ARHGEF38: variants seen among roughly 807,000 people sequenced by gnomAD.
The protein encoded by ARHGEF38 is Rho guanine nucleotide exchange factor (GEF) 38.
In ARHGEF38, 79 loss-of-function variants were observed where a neutral mutation model predicts 79.9. That is an observed-to-expected ratio of 0.99 (90% confidence interval 0.82 to 1.19). ARHGEF38 has a LOEUF of 1.19. ARHGEF38 is among the 50% of genes most tolerant of loss of function. The pLI is 0.00. For synonymous variants in ARHGEF38, 366 were observed against 328.3 expected (o/e 1.11, Z -1.24); for missense variants, 962 against 907.2 (o/e 1.06, Z -0.78).
At chr4:105,590,158 G>A (rs190111288) in intron 2 of ARHGEF38, among the ~76,000 whole-genome samples, 8 of 144,418 alleles carry the variant, frequency 5.5e-5, no homozygotes, top group African/African-American at 2.0e-4. Flanking sequence ...GAAAGAAAGA[G>A]AGAGAGAGAG....
At position 105,666,074 on chromosome 4, in the gene ARHGEF38, CTACCATA is replaced by C; in HGVS notation, c.1546-98_1546-92del. The C allele has an allele frequency of 3.1e-6, 3 of 964,558 alleles. No individual in the cohort carries two copies. The South Asian group carries it at 1.3e-4, about 42-fold the overall frequency. The allele number at this position is 964,558 out of a possible 1,614,324, so 59.7% of individuals were successfully genotyped here. ...GTTGCCCTAACTTTTCACAATGGAGCTACCATATACCTCCTCAACTGTTCATCACAAC... is the reference window on the plus strand; with the variant it reads ...GTTGCCCTAACTTTTCACAATGGAGCTACCTCCTCAACTGTTCATCACAAC... On this transcript the variant is annotated intron_variant, in intron 10 of 13. Transcript: ENST00000420470.
intron 2 of ARHGEF38, among the ~76,000 whole-genome samples, chr4:105,598,993 T>C (rs1727707103): frequency 6.6e-6 from 1 of 152,202 alleles, no homozygotes; most frequent in South Asian, 2.1e-4. Context: ...GTCATCACAC[T>C]TCACTTACTT....
chr4:105,650,431 C>G (rs1047806867), intron 7 of ARHGEF38, among the ~76,000 whole-genome samples: 1 of 152,106 alleles, frequency 6.6e-6, no homozygotes, highest in African/African-American at 2.4e-5. Context: ...ATTTCAGGGC[C>G]CAGTACCAGC....
intron 2 of ARHGEF38, among the ~76,000 whole-genome samples, chr4:105,591,888 G>A (rs1278310842): frequency 6.6e-6 from 1 of 152,116 alleles, no homozygotes. Context: ...GCTCTTTAGT[G>A]TCATTGCTAC....
chr4:105,660,952 G>A lies in ARHGEF38; in HGVS notation c.1545+1587G>A, dbSNP rs553788262. On this transcript the variant is annotated intron_variant, in intron 10 of 13. Transcript: ENST00000420470. ...CAACCAATTTTAGAACATTGTCGTG[G>A]CCCCCTAAAGGAACCCTGTACCCAT... Among the ~76,000 whole-genome samples, 67 of 152,100 alleles carry A rather than the reference G, an allele frequency of 4.4e-4. 1 individual carries two copies. In the South Asian group the frequency reaches 0.013, roughly 30 times the overall value.
chr4:105,617,299 T>C (rs1728548720), intron 3 of ARHGEF38, among the ~76,000 whole-genome samples: 1 of 152,172 alleles, frequency 6.6e-6, no homozygotes, highest in African/African-American at 2.4e-5. Flanking sequence ...AACAATGATT[T>C]TATTAAAATA....
At chr4:105,658,713 A>C (rs1730438589) in intron 9 of ARHGEF38, among the ~76,000 whole-genome samples, 1 of 152,188 alleles carries the variant, frequency 6.6e-6, no homozygotes, top group South Asian at 2.1e-4. Context: ...TGGGATGAGA[A>C]AGGAGGGGAA....
Position 105,612,093 on chromosome 4 carries a change from T to C in ARHGEF38, c.385-1291T>C, listed in dbSNP as rs145597262. Among the ~76,000 whole-genome samples, 346 of 152,212 alleles carry C rather than the reference T, an allele frequency of 2.3e-3. 4 individuals carry two copies. The highest frequency in any genetic ancestry group is 3.7e-3 in the South Asian group (18 of 4,832). On this transcript the variant is annotated intron_variant, in intron 2 of 13. Transcript: ENST00000420470. ...ACAGAATATCCTTACCAAAATAATA[T>C]TGGTATCCAATATGGAGAACAGTGG...
Position 105,552,818 on chromosome 4 carries a change from A to G in ARHGEF38, c.53A>G (p.Asn18Ser), listed in dbSNP as rs375204038. 8 of 1,612,948 alleles carry G rather than the reference A, an allele frequency of 5.0e-6. No homozygotes were observed. Among genetic ancestry groups the G allele is most frequent in the African/African-American group, 1.3e-5 (1 of 74,878 alleles). ...GKENMVTKKK[N>S]LAFLRSRLYM... ...GAAAACATGGTCACCAAGAAAAAGA[A>G]TCTGGCCTTCTTGAGGTCTAGACTC... is the stretch of plus-strand genomic sequence containing the variant. The change falls in exon 1 of 14, where the codon AAT becomes AGT. Residue 18 changes from asparagine (N) to serine (S), a missense_variant. Transcript: ENST00000420470.
chr4:105,615,507 G>A (rs372421988), intron 3 of ARHGEF38, among the ~76,000 whole-genome samples: 10 of 152,202 alleles, frequency 6.6e-5, no homozygotes, highest in East Asian at 1.9e-4. Flanking sequence ...TTCATGTGCT[G>A]AAGTCAAAAA....
chr4:105,574,654 G>A (rs1277808851), intron 1 of ARHGEF38, among the ~76,000 whole-genome samples: 31 of 151,674 alleles, frequency 2.0e-4, no homozygotes. Context: ...GATGTTTGCT[G>A]TTAATTTTTT....
intron 2 of ARHGEF38, among the ~76,000 whole-genome samples, chr4:105,606,289 G>A (rs1252271295): frequency 6.6e-6 from 1 of 152,022 alleles, no homozygotes; most frequent in East Asian, 1.9e-4. Flanking sequence ...TGATTTGGTT[G>A]GTGGCAATCA....
rs1491172509 is a variant in ARHGEF38 at position 105,561,469 on chromosome 4, A to AGAATGGAATGGAATGGAATG, written c.196+8512_196+8513insGGAATGGAATGGAATGGAAT. On this transcript the variant is annotated intron_variant, in intron 1 of 13. Coordinates refer to ENST00000420470, the MANE Select transcript of ARHGEF38 (RefSeq NM_001242729.2). ...AGAATGGAATAGAATAGAATAGAAT[A>AGAATGGAATGGAATGGAATG]GAATAGAATAGAATAGAATAGAATA... The AGAATGGAATGGAATGGAATG allele has an allele frequency of 1.8e-3, 91 of 49,676 alleles. 7 individuals carry two copies. The highest frequency in any genetic ancestry group is 3.0e-3 in the South Asian group (4 of 1,338). 3.1% of individuals were successfully genotyped at this position (49,676 alleles called of 1,614,324 possible). A position where few individuals can be genotyped will look rare whatever the true frequency, so the allele number is the denominator to read the frequency against.
intron 3 of ARHGEF38, among the ~76,000 whole-genome samples, chr4:105,619,943 A>G (rs550560635): frequency 6.6e-6 from 1 of 152,314 alleles, no homozygotes; most frequent in East Asian, 1.9e-4. Context: ...AGATGGCACA[A>G]ATAAGAGTTT....
chr4:105,639,767 T>C (rs1172681984), intron 5 of ARHGEF38, among the ~76,000 whole-genome samples: 1 of 152,016 alleles, frequency 6.6e-6, no homozygotes, highest in East Asian at 1.9e-4. Flanking sequence ...CTGCTTTTAT[T>C]TTTGTAGCTT....
rs1731226662 is a variant in ARHGEF38 at position 105,679,242 on chromosome 4, A to G, written c.*1305A>G. 1 of 676,696 alleles carries G rather than the reference A, an allele frequency of 1.5e-6. No individual in the cohort carries two copies. The highest frequency in any genetic ancestry group is 2.6e-5 in the East Asian group (1 of 39,030). The allele number at this position is 676,696 out of a possible 1,614,324, so 41.9% of individuals were successfully genotyped here. A position where few individuals can be genotyped will look rare whatever the true frequency, so the allele number is the denominator to read the frequency against. Reference sequence around the variant, plus strand: ...AATTAAAAGATGTTTCCATCATAATATTCTTTAATTTCAGGTAATTTAGCT... The same window carrying G: ...AATTAAAAGATGTTTCCATCATAATGTTCTTTAATTTCAGGTAATTTAGCT... On this transcript the variant is annotated 3_prime_UTR_variant, in exon 14 of 14. Coordinates refer to ENST00000420470, the MANE Select transcript of ARHGEF38 (RefSeq NM_001242729.2).
At chr4:105,667,060 T>C (rs1481221475) in intron 11 of ARHGEF38, 69 bp from the exon 12 acceptor site, 1 of 1,315,118 alleles carries the variant, frequency 7.6e-7, no homozygotes, top group Non-Finnish European at 1.0e-6. Context: ...AGGGAAAAAA[T>C]ATTTACCAAC....
intron 6 of ARHGEF38, among the ~76,000 whole-genome samples, chr4:105,646,842 TA>T (rs11356770): frequency 0.15 from 22,392 of 151,612 alleles, 2,572 homozygotes; most frequent in African/African-American, 0.33. Flanking sequence ...GTTTTTTTTT[TA>T]AAGTAAATTT....
intron 6 of ARHGEF38, among the ~76,000 whole-genome samples, chr4:105,647,153 A>C (rs917347325): frequency 3.3e-5 from 5 of 152,168 alleles, no homozygotes; most frequent in African/African-American, 1.2e-4. Flanking sequence ...CTGTTTGCTT[A>C]AACTATTTCA....
Sources: gnomAD v4.1 joint callset for allele counts (sites outside exome capture counted in the v4.1 genomes callset) on GRCh38, gnomAD v4.1.1 for gene constraint, MANE v1.5 for transcripts, NCBI Gene and HGNC (gene_info 2026-07-23, HGNC 2026-07-21) for gene names.